LRRN3: variants seen among roughly 807,000 people sequenced by gnomAD.
LRRN3 encodes leucine-rich repeat neuronal protein 3.
Under a neutral mutation model 40.1 loss-of-function variants are expected in LRRN3, and 15 were observed. That is an observed-to-expected ratio of 0.37 (90% confidence interval 0.25 to 0.58). The LOEUF (loss-of-function observed/expected upper bound fraction) is 0.58, where lower values mean the gene tolerates loss of function less well. Ranked by LOEUF, LRRN3 falls within the 20% of genes least tolerant of loss-of-function variation. The pLI, the probability that LRRN3 is intolerant of heterozygous loss-of-function variation, is 0.72. For missense variants in LRRN3, 746 were observed against 837.7 expected, an observed-to-expected ratio of 0.89 and a Z score of 1.35; for synonymous variants, 308 against 297.2, an observed-to-expected ratio of 1.04 and a Z score of -0.37.
At chr7:111,121,825 A>C (rs1212608363) in intron 2 of LRRN3, among the ~76,000 whole-genome samples, 1 of 152,164 alleles carries the variant, frequency 6.6e-6, no homozygotes, top group Non-Finnish European at 1.5e-5. Context: ...CTTGGAACCA[A>C]CCCAAATGTC....
chr7:111,120,950 C>T (rs1410287665), intron 2 of LRRN3, among the ~76,000 whole-genome samples: 2 of 146,862 alleles, frequency 1.4e-5, no homozygotes, highest in African/African-American at 5.0e-5. Flanking sequence ...AAAAAAAAAG[C>T]CATGAACAGT....
At chr7:111,098,616 C>G (rs186789445) in intron 1 of LRRN3, among the ~76,000 whole-genome samples, 1 of 151,740 alleles carries the variant, frequency 6.6e-6, no homozygotes, top group Admixed American at 6.6e-5. Flanking sequence ...TTACAACATA[C>G]AAGCATTTTC....
intron 2 of LRRN3, among the ~76,000 whole-genome samples, chr7:111,116,574 G>T (rs1799904565): frequency 6.6e-6 from 1 of 151,974 alleles, no homozygotes; most frequent in Admixed American, 6.5e-5. Flanking sequence ...CAATTTCACA[G>T]GACATTAACA....
At chr7:111,108,538 T>C (rs1209074204) in intron 2 of LRRN3, among the ~76,000 whole-genome samples, 2 of 152,090 alleles carry the variant, frequency 1.3e-5, no homozygotes, top group Non-Finnish European at 2.9e-5. Context: ...AAAACATACA[T>C]ATCTCCATTA....
intron 2 of LRRN3, among the ~76,000 whole-genome samples, chr7:111,108,450 T>TA (rs1450117780): frequency 6.6e-6 from 1 of 152,088 alleles, no homozygotes; most frequent in Non-Finnish European, 1.5e-5. Context: ...ATACCCCCAC[T>TA]ACACTGTGCT....
chr7:111,122,446 A>C lies in LRRN3; in HGVS notation c.-327A>C. 2 of 208,306 alleles carry C rather than the reference A, an allele frequency of 9.6e-6. No individual in the cohort carries two copies. The highest frequency in any genetic ancestry group is 1.9e-5 in the Non-Finnish European group (2 of 105,156). The allele number at this position is 208,306 out of a possible 1,614,324, so 12.9% of individuals were successfully genotyped here. A position where few individuals can be genotyped will look rare whatever the true frequency, so the allele number is the denominator to read the frequency against. ...GCTGCTATTCCTGCAAATACTGAAG[A>C]AGCATGGGATTTAAATATTTTACTT... On this transcript the variant is annotated 5_prime_UTR_variant, in exon 3 of 3. Coordinates refer to ENST00000308478, the MANE Select transcript of LRRN3 (RefSeq NM_001099658.2).
Position 111,124,932 on chromosome 7 carries a change from C to CAAAAAAAAAAAAAAAA in LRRN3, c.*46_*47insAAAAAAAAAAAAAAAA. 1.1e-6 allele frequency: 1 copy of CAAAAAAAAAAAAAAAA among 888,504 alleles called. No individual in the cohort carries two copies. 55.0% of individuals were successfully genotyped at this position (888,504 alleles called of 1,614,324 possible). ...CAAGGAAACCTACTCCAAAAATGAA[C>CAAAAAAAAAAAAAAAA]AAAAAAAAAAAAAGCGAAAGACTGC... On this transcript the variant is annotated 3_prime_UTR_variant, in exon 3 of 3. Transcript: ENST00000308478.
rs2129589506 is a variant in LRRN3 at position 111,123,428 on chromosome 7, T to C, written c.656T>C (p.Ile219Thr). 1 of 1,613,666 alleles carries C rather than the reference T, an allele frequency of 6.2e-7. No individual in the cohort carries two copies. The highest frequency in any genetic ancestry group is 8.5e-7 in the Non-Finnish European group (1 of 1,179,858). ...KPLINLRSLV[I>T]AGINLTEIPD... ...CTTATCAATCTTCGCAGCCTGGTTA[T>C]AGCTGGTATAAACCTCACAGAAATA... Residue 219 changes from isoleucine to threonine, a missense_variant, in exon 3 of 3, where the codon ATA becomes ACA. Transcript: ENST00000308478. The surrounding 1 kb of genome is among the most constrained non-coding windows in gnomAD (Gnocchi z 6.4).
intron 2 of LRRN3, among the ~76,000 whole-genome samples, chr7:111,121,778 C>T (rs578003429): frequency 1.6e-4 from 24 of 152,198 alleles, no homozygotes; most frequent in African/African-American, 4.6e-4. Context: ...CACATGCACA[C>T]GTATGTTTAT....
intron 2 of LRRN3, among the ~76,000 whole-genome samples, chr7:111,114,321 T>C (rs1036876936): frequency 6.6e-6 from 1 of 152,164 alleles, no homozygotes; most frequent in Admixed American, 6.5e-5. Flanking sequence ...ACCTTGTCTA[T>C]CTCTATGCCA....
chr7:111,107,522 G>A (rs1798684325), intron 2 of LRRN3, among the ~76,000 whole-genome samples: 1 of 151,976 alleles, frequency 6.6e-6, no homozygotes, highest in Admixed American at 6.6e-5. Flanking sequence ...TGTTGAAGAA[G>A]GGGCAATGGA....
chr7:111,124,604 C>A lies in LRRN3; in HGVS notation c.1832C>A (p.Thr611Asn). 1 of 1,613,938 alleles carries A rather than the reference C, an allele frequency of 6.2e-7. No homozygotes were observed. The highest frequency in any genetic ancestry group is 8.5e-7 in the Non-Finnish European group (1 of 1,179,986). ...AGAAAAAAATGTGTAAATGTCACCACCAAAGGTTTGCACCCTGATCAAAAA... is the reference window on the plus strand; with the variant it reads ...AGAAAAAAATGTGTAAATGTCACCAACAAAGGTTTGCACCCTGATCAAAAA... ...KNRKKCVNVT[T>N]KGLHPDQKEY... is the part of the protein sequence containing the mutation. The change falls in exon 3 of 3, where the codon ACC (threonine) becomes AAC (asparagine). Residue 611 changes from threonine to asparagine, a missense_variant. Thr to Asn is a moderately conservative substitution (Grantham distance 65). Coordinates refer to ENST00000308478, the MANE Select transcript of LRRN3 (RefSeq NM_001099658.2).
intron 2 of LRRN3, among the ~76,000 whole-genome samples, chr7:111,119,911 G>T (rs1800378497): frequency 1.3e-5 from 2 of 152,128 alleles, no homozygotes; most frequent in African/African-American, 2.4e-5. Flanking sequence ...GGAGGGAGGG[G>T]TTATATGAAA....
rs77080369 is a variant in LRRN3, at chr7:111,106,595, A to G, written c.-359+6633A>G. ...TTGCTATTTTGAGGTGGAGACTCAA[A>G]TAGGGCAAGAGTTGGTGAAGTATGG... On this transcript the variant is annotated intron_variant, in intron 2 of 2. Transcript: ENST00000308478. 9.8e-3 allele frequency among the ~76,000 whole-genome samples: 1,477 copies of G among 151,260 alleles called. 23 individuals carry two copies. Among genetic ancestry groups the G allele is most frequent in the Non-Finnish European group, 0.011 (733 of 67,698 alleles).
chr7:111,093,571 T>C lies in LRRN3; in HGVS notation c.-441+2067T>C, dbSNP rs569831434. Among the ~76,000 whole-genome samples, 6 of 152,292 alleles carry C rather than the reference T, an allele frequency of 3.9e-5. No individual in the cohort carries two copies. The East Asian group carries it at 1.2e-3, about 29-fold the overall frequency. The stretch of plus-strand genomic sequence containing the variant: ...AAATCTAACCCGCCTTATTTTAAAA[T>C]TGCAATAGATGACACCTAAGAACAG... On this transcript the variant is annotated intron_variant, in intron 1 of 2. Transcript: ENST00000308478.
At position 111,122,589 on chromosome 7, in the gene LRRN3, C is replaced by T; in HGVS notation, c.-184C>T. ...ACCTTCTCTTCTCCAATATGCATGA[C>T]ATTTTTGGACAATGCAATTGTGGCA... On this transcript the variant is annotated 5_prime_UTR_variant, in exon 3 of 3. Coordinates refer to ENST00000308478, the MANE Select transcript of LRRN3 (RefSeq NM_001099658.2). The T allele has an allele frequency of 1.7e-6, 1 of 575,900 alleles. No homozygotes were observed. The highest frequency in any genetic ancestry group is 2.4e-5 in the South Asian group (1 of 41,356). 35.7% of individuals were successfully genotyped at this position (575,900 alleles called of 1,614,324 possible). A position where few individuals can be genotyped will look rare whatever the true frequency, so the allele number is the denominator to read the frequency against.
At chr7:111,118,715 G>C (rs1800199504) in intron 2 of LRRN3, among the ~76,000 whole-genome samples, 1 of 151,954 alleles carries the variant, frequency 6.6e-6, no homozygotes, top group South Asian at 2.1e-4. Context: ...ATACTAAATA[G>C]CATATTAATG....
chr7:111,112,379 C>T (rs1477311822), intron 2 of LRRN3, among the ~76,000 whole-genome samples: 1 of 152,156 alleles, frequency 6.6e-6, no homozygotes, highest in Non-Finnish European at 1.5e-5. Context: ...TCTGTCACTT[C>T]GTACTTCAGA....
At position 111,123,762 on chromosome 7, in the gene LRRN3, T is replaced by G. The variant is rs1324052553; in HGVS notation, c.990T>G (p.Phe330Leu). The change falls in exon 3 of 3, where the codon TTT becomes TTG. Residue 330 changes from phenylalanine (F) to leucine (L), a missense_variant. Coordinates refer to ENST00000308478, the MANE Select transcript of LRRN3 (RefSeq NM_001099658.2). This position sits in a 1 kb window ranked among gnomAD's most constrained non-coding sequence, Gnocchi z 6.4. Reference sequence around the variant, plus strand: ...TGTCTTACATTCACCCCAATGCATTTTTCAGACTCCCCAAGCTGGAATCAC... The same window carrying G: ...TGTCTTACATTCACCCCAATGCATTGTTCAGACTCCCCAAGCTGGAATCAC... ...PRLSYIHPNAFFRLPKLESLM... is the reference protein window; with the variant it reads ...PRLSYIHPNALFRLPKLESLM... 13 of 1,613,842 alleles carry G rather than the reference T, an allele frequency of 8.1e-6. No individual in the cohort carries two copies. The highest frequency in any genetic ancestry group is 1.1e-5 in the Non-Finnish European group (13 of 1,179,960).
Sources: allele counts gnomAD v4.1 joint callset (sites outside exome capture counted in the v4.1 genomes callset), GRCh38; gene constraint gnomAD v4.1.1; non-coding constraint Gnocchi (gnomAD v3.1); transcripts MANE v1.5; gene names NCBI Gene and HGNC (gene_info 2026-07-23, HGNC 2026-07-21).